Variants in NEGR1 observed in about 807,000 individuals in gnomAD.
The protein encoded by NEGR1 is IgLON family member 4.
In NEGR1, 10 loss-of-function variants were observed where a neutral mutation model predicts 40.9. The ratio of observed to expected loss-of-function variants is 0.24; its 90% CI spans 0.15 to 0.42. The LOEUF is 0.42. NEGR1 is among the 10% of genes least tolerant of loss of function. The pLI is 1.00. For synonymous variants in NEGR1, 185 were observed against 166.8 expected (o/e 1.11, Z -0.84); for missense variants, 352 against 438.9 (o/e 0.80, Z 1.77).
At chr1:71,838,891 A>G (rs1013189328) in intron 2 of NEGR1, among the ~76,000 whole-genome samples, 2 of 152,134 alleles carry the variant, frequency 1.3e-5, no homozygotes, top group Admixed American at 6.5e-5. Flanking sequence ...ATCAGTTTCA[A>G]TAAAGAGATA....
intron 6 of NEGR1, among the ~76,000 whole-genome samples, chr1:71,527,472 T>C (rs541695999): frequency 9.2e-4 from 140 of 151,412 alleles, no homozygotes; most frequent in Non-Finnish European, 1.5e-3. Context: ...CATATGCATC[T>C]GGTCTAGTCA....
chr1:71,717,028 T>C (rs935572252), intron 3 of NEGR1, among the ~76,000 whole-genome samples: 4 of 152,226 alleles, frequency 2.6e-5, no homozygotes, highest in African/African-American at 9.7e-5. Flanking sequence ...TACCGGCTGT[T>C]ACTGTTTATG....
chr1:72,013,198 T>C (rs1417522081), intron 1 of NEGR1, among the ~76,000 whole-genome samples: 3 of 152,020 alleles, frequency 2.0e-5, no homozygotes, highest in Non-Finnish European at 4.4e-5. Flanking sequence ...TCTTTGGAAT[T>C]TGAATGAGCC....
chr1:72,236,003 G>C (rs1023424302), intron 1 of NEGR1, among the ~76,000 whole-genome samples: 2 of 151,926 alleles, frequency 1.3e-5, no homozygotes, highest in African/African-American at 4.8e-5. Flanking sequence ...TTGCAGCACT[G>C]TTCACAATAG....
chr1:71,410,786 A>G (rs1172853147), intron 6 of NEGR1, among the ~76,000 whole-genome samples: 1 of 152,142 alleles, frequency 6.6e-6, no homozygotes, highest in Admixed American at 6.5e-5. Context: ...GGCTAATGAT[A>G]CTCAAGTTAA....
chr1:72,252,172 GTA>G (rs1655124320), intron 1 of NEGR1, among the ~76,000 whole-genome samples: 24 of 127,408 alleles, frequency 1.9e-4, no homozygotes, highest in African/African-American at 1.2e-3. Context: ...ATGGGGCGAT[GTA>G]GCTGGGATTA....
chr1:72,208,481 T>C (rs974355684), intron 1 of NEGR1, among the ~76,000 whole-genome samples: 7 of 151,664 alleles, frequency 4.6e-5, no homozygotes, highest in African/African-American at 1.7e-4. Flanking sequence ...AGATAGTTTT[T>C]CTTCCCGTAT....
intron 4 of NEGR1, among the ~76,000 whole-genome samples, chr1:71,633,264 G>A (rs932227886): frequency 2.0e-5 from 3 of 152,044 alleles, no homozygotes; most frequent in African/African-American, 7.2e-5. Flanking sequence ...GCCATCAGTA[G>A]ATGCCACAGA....
At chr1:71,905,379 T>C (rs962850597) in intron 2 of NEGR1, among the ~76,000 whole-genome samples, 7 of 152,036 alleles carry the variant, frequency 4.6e-5, no homozygotes, top group Non-Finnish European at 8.8e-5. Flanking sequence ...ATATTTTTCA[T>C]CTAATCTCAT....
At chr1:71,645,122 T>C (rs1651488990) in intron 4 of NEGR1, among the ~76,000 whole-genome samples, 3 of 151,964 alleles carry the variant, frequency 2.0e-5, no homozygotes, top group African/African-American at 4.8e-5. Flanking sequence ...ATGTAAAAAG[T>C]CAGGTTTGCA....
chr1:71,446,309 G>A (rs562322098), intron 6 of NEGR1, among the ~76,000 whole-genome samples: 54 of 152,154 alleles, frequency 3.5e-4, no homozygotes, highest in Non-Finnish European at 5.3e-4. Flanking sequence ...TGAGATAACC[G>A]TCTCAGAAAA....
At chr1:72,186,429 G>A (rs1323140973) in intron 1 of NEGR1, among the ~76,000 whole-genome samples, 1 of 151,516 alleles carries the variant, frequency 6.6e-6, no homozygotes, top group Non-Finnish European at 1.5e-5. Context: ...ATTGCATTAA[G>A]TCATGACTAA....
intron 1 of NEGR1, among the ~76,000 whole-genome samples, chr1:72,243,300 T>A (rs1054063093): frequency 2.0e-5 from 3 of 151,774 alleles, no homozygotes; most frequent in Non-Finnish European, 3.0e-5. Flanking sequence ...ATAAGCCTCT[T>A]AGGTAGGAGG....
intron 1 of NEGR1, among the ~76,000 whole-genome samples, chr1:72,207,182 A>G (rs1653437450): frequency 6.6e-6 from 1 of 151,836 alleles, no homozygotes; most frequent in African/African-American, 2.4e-5. Flanking sequence ...AAAAGTCAAT[A>G]TATATGTACC....
intron 4 of NEGR1, among the ~76,000 whole-genome samples, chr1:71,642,071 C>A (rs768431146): frequency 2.0e-5 from 3 of 151,890 alleles, no homozygotes; most frequent in African/African-American, 4.8e-5. Context: ...GAGTTTCTGG[C>A]CTCTATACAA....
intron 1 of NEGR1, among the ~76,000 whole-genome samples, chr1:72,151,502 A>G (rs1651123192): frequency 6.6e-6 from 1 of 151,650 alleles, no homozygotes; most frequent in African/African-American, 2.4e-5. Flanking sequence ...CCACATACAT[A>G]CACACATATA....
intron 1 of NEGR1, among the ~76,000 whole-genome samples, chr1:72,155,660 C>T (rs1651330902): frequency 6.6e-6 from 1 of 151,716 alleles, no homozygotes; most frequent in African/African-American, 2.4e-5. Flanking sequence ...TTAATAAAGC[C>T]AATTTAGGCT....
intron 1 of NEGR1, among the ~76,000 whole-genome samples, chr1:72,244,474 A>G (rs1654842135): frequency 6.6e-6 from 1 of 151,974 alleles, no homozygotes; most frequent in African/African-American, 2.4e-5. Context: ...CAAATGTTGA[A>G]AAACATGTAT....
At chr1:71,944,811 G>A (rs1646002247) in intron 1 of NEGR1, among the ~76,000 whole-genome samples, 1 of 152,016 alleles carries the variant, frequency 6.6e-6, no homozygotes, top group African/African-American at 2.4e-5. Flanking sequence ...TTTGTTTTAT[G>A]AATAAAAAAT....
Sources: allele counts gnomAD v4.1 joint callset (sites outside exome capture counted in the v4.1 genomes callset), GRCh38; gene constraint gnomAD v4.1.1; transcripts MANE v1.5; gene names NCBI Gene and HGNC (gene_info 2026-07-23, HGNC 2026-07-21).